NREP: variants seen among roughly 807,000 people sequenced by gnomAD.
The protein encoded by NREP is neuronal regeneration-related protein.
Under a neutral mutation model 8.6 loss-of-function variants are expected in NREP, and 5 were observed. The observed-to-expected ratio is 0.58, with a 90% CI of 0.30 to 1.22. NREP has a LOEUF of 1.22. NREP is among the 50% of genes most tolerant of loss of function. NREP has a pLI of 0.07. For synonymous variants in NREP, 27 were observed against 28.0 expected, an observed-to-expected ratio of 0.96 and a Z score of 0.11; for missense variants, 86 against 82.5, an observed-to-expected ratio of 1.04 and a Z score of -0.17.
chr5:111,921,750 A>G (rs1755246285), intron 2 of NREP, among the ~76,000 whole-genome samples: 1 of 152,108 alleles, frequency 6.6e-6, no homozygotes, highest in Admixed American at 6.5e-5. Flanking sequence ...CTCAACTTGA[A>G]TTGTATCCCC....
chr5:111,883,168 G>T (rs1369873627), intron 2 of NREP, among the ~76,000 whole-genome samples: 2 of 152,222 alleles, frequency 1.3e-5, no homozygotes, highest in Non-Finnish European at 2.9e-5. Context: ...AAAGGCAGGG[G>T]TTGCAATGCT....
chr5:111,772,537 G>A (rs895166248), intron 2 of NREP, among the ~76,000 whole-genome samples: 1 of 151,952 alleles, frequency 6.6e-6, no homozygotes, highest in Non-Finnish European at 1.5e-5. Flanking sequence ...TGGTTTGAGG[G>A]AACATCTTTA....
At chr5:111,767,291 C>T (rs952670953) in intron 2 of NREP, among the ~76,000 whole-genome samples, 1 of 150,346 alleles carries the variant, frequency 6.7e-6, no homozygotes, top group Admixed American at 6.6e-5. Flanking sequence ...ATTACTCCTC[C>T]CCGCCAAAAA....
At chr5:111,755,947 A>T (rs1750677899) in intron 1 of NREP, 117 bp from the exon 2 acceptor site, 3 of 1,487,626 alleles carry the variant, frequency 2.0e-6, no homozygotes, top group Non-Finnish European at 2.7e-6. Context: ...GATAAGTTAC[A>T]TGCAAATTAT....
At chr5:111,866,859 G>A (rs1212029083) in intron 2 of NREP, among the ~76,000 whole-genome samples, 4 of 151,934 alleles carry the variant, frequency 2.6e-5, no homozygotes, top group Non-Finnish European at 2.9e-5. Context: ...CATGGATGAA[G>A]CTGGAAACCA....
At chr5:111,843,828 C>T (rs374068168) in intron 2 of NREP, among the ~76,000 whole-genome samples, 7 of 152,120 alleles carry the variant, frequency 4.6e-5, no homozygotes, top group African/African-American at 1.4e-4. Context: ...TCCACTGAGG[C>T]GTATCTGGAA....
chr5:111,759,961 T>C (rs1750922893), upstream of NREP, among the ~76,000 whole-genome samples: 1 of 152,202 alleles, frequency 6.6e-6, no homozygotes, highest in Non-Finnish European at 1.5e-5. Context: ...TTATCATCTC[T>C]CTCTCAATCA....
At chr5:111,740,835 C>A (rs1309145928) in intron 2 of NREP, among the ~76,000 whole-genome samples, 1 of 152,182 alleles carries the variant, frequency 6.6e-6, no homozygotes, top group African/African-American at 2.4e-5. Flanking sequence ...AAATTTGAAT[C>A]ATATCTACTT....
chr5:111,968,639 C>T (rs987313542), intron 2 of NREP, among the ~76,000 whole-genome samples: 5 of 152,108 alleles, frequency 3.3e-5, no homozygotes, highest in African/African-American at 1.2e-4. Context: ...AGGAAAATGT[C>T]CTATGGCCAA....
chr5:111,775,237 C>A (rs1308938407), intron 2 of NREP, among the ~76,000 whole-genome samples: 2 of 152,244 alleles, frequency 1.3e-5, no homozygotes, highest in Middle Eastern at 3.4e-3. Context: ...CCATTTAGAA[C>A]AATTCCTTAA....
intron 2 of NREP, among the ~76,000 whole-genome samples, chr5:111,956,963 CTAAATAAATAAA>C (rs10665112): frequency 3.5e-5 from 5 of 142,820 alleles, no homozygotes; most frequent in East Asian, 2.0e-4. Context: ...GACCATGTCT[CTAAATAAATAAA>C]TAAATAAATA....
intron 2 of NREP, among the ~76,000 whole-genome samples, chr5:111,749,789 A>G (rs1015394494): frequency 2.6e-5 from 4 of 152,168 alleles, no homozygotes; most frequent in Admixed American, 2.6e-4. Flanking sequence ...GGATCTGCCA[A>G]TGAAAGTGCT....
At chr5:111,890,398 G>T (rs1443189574) in intron 2 of NREP, among the ~76,000 whole-genome samples, 1 of 152,190 alleles carries the variant, frequency 6.6e-6, no homozygotes, top group African/African-American at 2.4e-5. Flanking sequence ...GGTGCTAGCT[G>T]CCAGTGGATC....
chr5:111,967,247 T>TC (rs1369733751), intron 2 of NREP, among the ~76,000 whole-genome samples: 5 of 152,338 alleles, frequency 3.3e-5, no homozygotes, highest in Admixed American at 3.3e-4. Context: ...CCATTAACAT[T>TC]CACACAGTAA....
intron 2 of NREP, among the ~76,000 whole-genome samples, chr5:111,949,961 G>A (rs1419090967): frequency 6.6e-6 from 1 of 151,950 alleles, no homozygotes; most frequent in Admixed American, 6.6e-5. Flanking sequence ...GGGACTGCTG[G>A]GTCAAATGGT....
intron 2 of NREP, among the ~76,000 whole-genome samples, chr5:111,847,825 T>G (rs372737836): frequency 8.5e-5 from 13 of 152,280 alleles, no homozygotes; most frequent in African/African-American, 2.6e-4. Flanking sequence ...AATTCAAAGT[T>G]TTTATTCATA....
chr5:111,841,187 A>T lies in NREP; in HGVS notation c.136-105680T>A, dbSNP rs145369938. Among the ~76,000 whole-genome samples, 678 of 152,286 alleles carry T rather than the reference A, an allele frequency of 4.5e-3. 4 individuals are homozygous for T. The highest frequency in any genetic ancestry group is 7.4e-3 in the Non-Finnish European group (502 of 68,008). ...GGGTATCTGGAGCACAATTCTGCTC[A>T]GACTCTCTGAAGAACTATATAAAAC... is the stretch of plus-strand genomic sequence containing the variant. On this transcript the variant is annotated intron_variant, in intron 2 of 3. Transcript: ENST00000395634.
At chr5:111,907,381 T>C (rs971867033) in intron 2 of NREP, among the ~76,000 whole-genome samples, 4 of 152,118 alleles carry the variant, frequency 2.6e-5, no homozygotes, top group Non-Finnish European at 5.9e-5. Context: ...GGACAATGTC[T>C]AGATTTATAC....
chr5:111,940,253 A>G (rs1476791099), intron 2 of NREP: 1 of 152,122 alleles, frequency 6.6e-6, no homozygotes. Flanking sequence ...AAAGACTACG[A>G]AATACCAAAA....
Sources: gnomAD v4.1 joint callset for allele counts (sites outside exome capture counted in the v4.1 genomes callset) on GRCh38, gnomAD v4.1.1 for gene constraint, MANE v1.5 for transcripts, NCBI Gene and HGNC (gene_info 2026-07-23, HGNC 2026-07-21) for gene names.